Variants in HOXD13 observed in about 807,000 individuals in gnomAD.
HOXD13 encodes the protein homeobox protein Hox-D13.
A neutral mutation model predicts 27.3 loss-of-function variants in HOXD13; 16 were observed. The ratio of observed to expected loss-of-function variants is 0.59; its 90% CI spans 0.40 to 0.89. The LOEUF (loss-of-function observed/expected upper bound fraction) is 0.89. Ranked by LOEUF, HOXD13 falls within the 40% of genes least tolerant of loss-of-function variation. The probability of loss-of-function intolerance (pLI) is 0.00; values close to 1 mark genes in which losing one functional copy is unlikely to be tolerated. For missense variants in HOXD13, 481 were observed against 482.6 expected, an observed-to-expected ratio of 1.00 and a Z score of 0.03; for synonymous variants, 241 against 219.0, an observed-to-expected ratio of 1.10 and a Z score of -0.89.
upstream of HOXD13, among the ~76,000 whole-genome samples, chr2:176,088,494 G>A (rs1284587128): frequency 6.6e-6 from 1 of 152,196 alleles, no homozygotes; most frequent in Non-Finnish European, 1.5e-5. Flanking sequence ...CGCCAGGCGT[G>A]GGGAACTGCG....
Position 176,093,048 on chromosome 2 carries a change from A to T in HOXD13, c.158A>T (p.His53Leu), listed in dbSNP as rs1182919667. Residue 53 changes from histidine (H) to leucine (L), a missense_variant, in exon 1 of 2, where the codon CAT becomes CTT. By Grantham distance (99) the His-to-Leu change is moderately conservative. Transcript: ENST00000392539. ...TCCGCGCCTGTGTTCGCCGGGACGC[A>T]TTCGGGGCGGGCGGCGGCGGCGGCA... ...FLSAPVFAGT[H>L]SGRAAAAAAA... 2.2e-6 allele frequency: 3 copies of T among 1,381,440 alleles called. No homozygotes were observed. The highest frequency in any genetic ancestry group is 2.8e-6 in the Non-Finnish European group (3 of 1,078,142). The allele number at this position is 1,381,440 out of a possible 1,614,324, so 85.6% of individuals were successfully genotyped here.
intron 1 of HOXD13, among the ~76,000 whole-genome samples, chr2:176,094,087 C>T (rs1246901338): frequency 6.6e-6 from 1 of 152,148 alleles, no homozygotes; most frequent in South Asian, 2.1e-4. Context: ...AACATAGGAA[C>T]GCGGGAAATC....
Position 176,093,183 on chromosome 2 carries a change from G to T in HOXD13, c.293G>T (p.Arg98Leu), listed in dbSNP as rs751241743. 3 of 1,608,730 alleles carry T rather than the reference G, an allele frequency of 1.9e-6. No individual in the cohort carries two copies. The highest frequency in any genetic ancestry group is 2.2e-5 in the South Asian group (2 of 91,050). Residue 98 changes from arginine (R) to leucine (L), a missense_variant, in exon 1 of 2, where the codon CGC becomes CTC. By Grantham distance (102) the Arg-to-Leu change is moderately radical (BLOSUM62 -2). Transcript: ENST00000392539. The stretch of plus-strand genomic sequence containing the variant: ...TCCTCTTCTGCCGTTGTAGCGGCGC[G>T]CCCGGAGGCTCCCCCAGCCAAAGAG... ...SSSSSAVVAARPEAPPAKECP... is the reference protein window; with the variant it reads ...SSSSSAVVAALPEAPPAKECP...
upstream of HOXD13, among the ~76,000 whole-genome samples, chr2:176,092,420 G>A (rs73029933): frequency 0.043 from 6,547 of 150,942 alleles, 486 homozygotes; most frequent in African/African-American, 0.15. Context: ...CCTGGGATGG[G>A]CCGTCGCGCA....
intron 1 of HOXD13, 77 bp from the exon 2 acceptor site, chr2:176,094,403 A>T: frequency 1.3e-6 from 2 of 1,550,136 alleles, no homozygotes; most frequent in Non-Finnish European, 1.8e-6. Flanking sequence ...ACACACACAC[A>T]CACACACACA....
At chr2:176,091,817 C>G (rs550531830), upstream of HOXD13, among the ~76,000 whole-genome samples, 1 of 151,584 alleles carries the variant, frequency 6.6e-6, no homozygotes, top group Non-Finnish European at 1.5e-5. Flanking sequence ...CGAGGCCGGT[C>G]GGCTGCTGGA....
chr2:176,089,660 G>C (rs1380991036), upstream of HOXD13, among the ~76,000 whole-genome samples: 1 of 152,246 alleles, frequency 6.6e-6, no homozygotes, highest in Non-Finnish European at 1.5e-5. Context: ...GTTGAAAGGA[G>C]AGAATATGAC....
In HOXD13 at chr2:176,093,550, C is replaced by G; in HGVS notation, c.660C>G (p.His220Gln). 6.2e-7 allele frequency: 1 copy of G among 1,613,890 alleles called. No individual in the cohort carries two copies. The highest frequency in any genetic ancestry group is 8.5e-7 in the Non-Finnish European group (1 of 1,179,962). ...CTTTCGGCTCCGGGGAGCCTCGGCACGAGGCCTACATCTCCATGGAGGGGT... is the reference window on the plus strand; with the variant it reads ...CTTTCGGCTCCGGGGAGCCTCGGCAGGAGGCCTACATCTCCATGGAGGGGT... ...VSTFGSGEPR[H>Q]EAYISMEGYQ... The change falls in exon 1 of 2, where the codon CAC (histidine) becomes CAG (glutamine). Residue 220 changes from histidine (H) to glutamine (Q), a missense_variant. His to Gln is a conservative substitution (Grantham distance 24). Coordinates refer to ENST00000392539, the MANE Select transcript of HOXD13 (RefSeq NM_000523.4).
At position 176,095,040 on chromosome 2, in the gene HOXD13, C is replaced by A. The variant is rs2105380185; in HGVS notation, c.*310C>A. The A allele has an allele frequency of 5.2e-6, 2 of 385,348 alleles. No individual in the cohort carries two copies. The highest frequency in any genetic ancestry group is 8.8e-5 in the East Asian group (2 of 22,612). 23.9% of individuals were successfully genotyped at this position (385,348 alleles called of 1,614,324 possible). ...GGGACTTGAAGTATTTTTTAATAAT[C>A]CGCCCCCCAATGAACTTCAGAAGTG... On this transcript the variant is annotated 3_prime_UTR_variant, in exon 2 of 2. Transcript: ENST00000392539.
At position 176,093,636 on chromosome 2, in the gene HOXD13, C is replaced by T; in HGVS notation, c.746C>T (p.Pro249Leu). 1.9e-6 allele frequency: 3 copies of T among 1,603,324 alleles called. No individual in the cohort carries two copies. Among genetic ancestry groups the T allele is most frequent in the Non-Finnish European group, 2.6e-6 (3 of 1,172,556 alleles). ...CAGGTGTACTGCACCAAGGACCAGC[C>T]ACAGGGGTCCCACTTTTGGAAATCT... The part of the protein sequence containing the change: ...NSQVYCTKDQ[P>L]QGSHFWKSSF... The change falls in exon 1 of 2, where the codon CCA (proline) becomes CTA (leucine). Residue 249 changes from proline (P) to leucine (L), a missense_variant. Pro to Leu is a moderately conservative substitution (Grantham distance 98, BLOSUM62 -3). Transcript: ENST00000392539.
In HOXD13 at chr2:176,095,659, T is replaced by G. The variant is rs1689401371; in HGVS notation, c.*929T>G. ...GTGGGAACTTACATACAGAACCCAA[T>G]GAAGAACTTGACTGTCTAAACAAGG... is the stretch of plus-strand genomic sequence containing the variant. On this transcript the variant is annotated 3_prime_UTR_variant, in exon 2 of 2. Coordinates refer to ENST00000392539, the MANE Select transcript of HOXD13 (RefSeq NM_000523.4). 4.4e-6 allele frequency: 1 copy of G among 227,838 alleles called. No individual in the cohort carries two copies. The highest frequency in any genetic ancestry group is 2.2e-5 in the African/African-American group (1 of 44,990). The allele number at this position is 227,838 out of a possible 1,614,324, so 14.1% of individuals were successfully genotyped here.
upstream of HOXD13, among the ~76,000 whole-genome samples, chr2:176,088,219 G>A (rs1489511114): frequency 6.6e-6 from 1 of 152,252 alleles, no homozygotes; most frequent in Non-Finnish European, 1.5e-5. Flanking sequence ...CGGTTTCCAC[G>A]GGTGCAGGTT....
upstream of HOXD13, among the ~76,000 whole-genome samples, chr2:176,089,638 A>G (rs547535347): frequency 6.6e-6 from 1 of 152,348 alleles, no homozygotes; most frequent in East Asian, 1.9e-4. Flanking sequence ...AATTTGAAAG[A>G]TCATCTACTA....
In HOXD13 at chr2:176,094,741, G is replaced by A. The variant is rs1240040185; in HGVS notation, c.*11G>A. The stretch of plus-strand genomic sequence containing the variant: ...GATACTGTCTCCTGATGTGGTCCAG[G>A]TTGGCCACAGACAGCTTAGAAGCCA... On this transcript the variant is annotated 3_prime_UTR_variant, in exon 2 of 2. Transcript: ENST00000392539. The A allele has an allele frequency of 1.2e-6, 2 of 1,613,540 alleles. No individual in the cohort carries two copies. Among genetic ancestry groups the A allele is most frequent in the South Asian group, 1.1e-5 (1 of 91,028 alleles).
At chr2:176,089,198 G>A (rs573694735), upstream of HOXD13, among the ~76,000 whole-genome samples, 1 of 151,430 alleles carries the variant, frequency 6.6e-6, no homozygotes, top group Non-Finnish European at 1.5e-5. Flanking sequence ...AATAGGTTTG[G>A]TTTGTTGTTG....
In HOXD13 at chr2:176,095,426, ATCT is replaced by A; in HGVS notation, c.*698_*700del. The A allele has an allele frequency of 4.3e-6, 1 of 229,930 alleles. No individual in the cohort carries two copies. The highest frequency in any genetic ancestry group is 8.6e-6 in the Non-Finnish European group (1 of 115,828). 14.2% of individuals were successfully genotyped at this position (229,930 alleles called of 1,614,324 possible). On this transcript the variant is annotated 3_prime_UTR_variant, in exon 2 of 2. Coordinates refer to ENST00000392539, the MANE Select transcript of HOXD13 (RefSeq NM_000523.4). ...CACTTTGTAGGTTTGTGTTTTCATA[ATCT>A]TTAATTTGAAACTCATGTGTCCTCA... is the stretch of plus-strand genomic sequence containing the variant.
chr2:176,093,119 C>G lies in HOXD13; in HGVS notation c.229C>G (p.Pro77Ala). ...GGCGGCAGCCTCCGGCTTTGCGTAC[C>G]CCGGGACCTCTGAGCGCACGGGCTC... ...AAAAASGFAY[P>A]GTSERTGSSS... Residue 77 changes from proline to alanine, a missense_variant, in exon 1 of 2, where the codon CCC becomes GCC. Physicochemically the swap from Pro to Ala is conservative, Grantham distance 27. Transcript: ENST00000392539. The G allele has an allele frequency of 6.2e-7, 1 of 1,601,050 alleles. No individual in the cohort carries two copies.
chr2:176,093,698 A>C, intron 1 of HOXD13, 27 bp downstream of exon 1: 1 of 1,440,230 alleles, frequency 6.9e-7, no homozygotes, highest in Non-Finnish European at 9.6e-7. Flanking sequence ...AAAGGGACCG[A>C]CACGAGGGAG....
upstream of HOXD13, among the ~76,000 whole-genome samples, chr2:176,090,088 C>A (rs1249598345): frequency 1.3e-5 from 2 of 152,252 alleles, no homozygotes; most frequent in Non-Finnish European, 2.9e-5. Flanking sequence ...AACAAAGCAG[C>A]CCTGACTTTG....
Sources: gnomAD v4.1 joint callset for allele counts (sites outside exome capture counted in the v4.1 genomes callset) on GRCh38, gnomAD v4.1.1 for gene constraint, MANE v1.5 for transcripts, NCBI Gene and HGNC (gene_info 2026-07-23, HGNC 2026-07-21) for gene names.